Variants in TRIM37 observed in about 807,000 individuals in gnomAD.
The protein encoded by TRIM37 is tripartite motif containing 37.
A neutral mutation model predicts 129.8 loss-of-function variants in TRIM37; 80 were observed. The observed-to-expected ratio is 0.62, with a 90% CI of 0.51 to 0.74. The LOEUF (loss-of-function observed/expected upper bound fraction) is 0.74, where lower values mean the gene tolerates loss of function less well. Ranked by LOEUF, TRIM37 falls within the 30% of genes least tolerant of loss-of-function variation. The pLI is 0.00. For missense variants in TRIM37, 1,054 were observed against 1,176.5 expected, an observed-to-expected ratio of 0.90 and a Z score of 1.52; for synonymous variants, 389 against 387.1, an observed-to-expected ratio of 1.00 and a Z score of -0.06.
chr17:59,083,171 T>C (rs1029361124), intron 5 of TRIM37, among the ~76,000 whole-genome samples: 4 of 152,274 alleles, frequency 2.6e-5, no homozygotes, highest in Middle Eastern at 3.4e-3. Flanking sequence ...CGCGGTGGCT[T>C]ACCCCTGTAA....
Position 59,041,842 on chromosome 17 carries a change from A to G in TRIM37, c.1724T>C (p.Met575Thr), listed in dbSNP as rs553441789. ...NNMELEEGEL[M>T]EDAAAAGPAG... is the part of the protein sequence containing the mutation. The stretch of plus-strand genomic sequence containing the variant: ...GGGTCCTGCAGCAGCTGCATCTTCC[A>G]TGAGTTCTCCCTCTTCTAATTCCAT... The change falls in exon 17 of 24, where the codon ATG becomes ACG. Residue 575 changes from methionine to threonine, a missense_variant. Physicochemically the swap from Met to Thr is moderately conservative, Grantham distance 81. This residue lies in a region of TRIM37 where 752 missense variants were observed against 870.8 expected (regional missense o/e 0.86). Coordinates refer to ENST00000262294, the MANE Select transcript of TRIM37 (RefSeq NM_015294.6). 28 of 1,613,996 alleles carry G rather than the reference A, an allele frequency of 1.7e-5. No homozygotes were observed. The South Asian group carries it at 2.5e-4, about 15-fold the overall frequency.
At chr17:59,011,716 T>G (rs1199267185) in intron 22 of TRIM37, among the ~76,000 whole-genome samples, 1 of 152,170 alleles carries the variant, frequency 6.6e-6, no homozygotes, top group African/African-American at 2.4e-5. Context: ...AAAGAAACAC[T>G]AGAAAGTACA....
At chr17:59,006,812 C>T (rs1300711900) in intron 22 of TRIM37, among the ~76,000 whole-genome samples, 1 of 152,048 alleles carries the variant, frequency 6.6e-6, no homozygotes, top group Non-Finnish European at 1.5e-5. Context: ...TCGCTTGAAC[C>T]TGGGAGGTGG....
chr17:59,012,627 C>T (rs1434157768), intron 21 of TRIM37, among the ~76,000 whole-genome samples, 181 bp from the exon 22 acceptor site: 1 of 152,102 alleles, frequency 6.6e-6, no homozygotes, highest in Non-Finnish European at 1.5e-5. Context: ...CCTGTAATCC[C>T]AGCACTTTGG....
At chr17:59,058,081 T>C (rs776333867) in intron 12 of TRIM37, among the ~76,000 whole-genome samples, 1 of 152,228 alleles carries the variant, frequency 6.6e-6, no homozygotes, top group Non-Finnish European at 1.5e-5. Flanking sequence ...TTTTAAAATA[T>C]AAATTTTGAA....
chr17:59,010,751 C>T (rs1598870901), intron 22 of TRIM37, among the ~76,000 whole-genome samples: 2 of 152,074 alleles, frequency 1.3e-5, no homozygotes, highest in African/African-American at 2.4e-5. Context: ...CCTCAGCCTC[C>T]CAAAGTACTG....
chr17:59,091,638 A>G (rs1184011855), intron 2 of TRIM37, among the ~76,000 whole-genome samples: 2 of 139,830 alleles, frequency 1.4e-5, no homozygotes, highest in Admixed American at 7.8e-5. Context: ...AATGTATAAT[A>G]TATTATATAA....
chr17:58,984,800 T>C (rs148245515), intron 24 of TRIM37: 1 of 152,576 alleles, frequency 6.6e-6, no homozygotes, highest in East Asian at 1.9e-4. Flanking sequence ...CTATTTATTG[T>C]AATAATTAGA....
downstream of TRIM37, among the ~76,000 whole-genome samples, chr17:58,978,512 G>A (rs1031261766): frequency 2.6e-5 from 4 of 151,902 alleles, no homozygotes; most frequent in African/African-American, 7.3e-5. Flanking sequence ...GGAGTTCGAC[G>A]CCAGCCTGGC....
At chr17:59,001,468 A>AGT in intron 23 of TRIM37, 130 bp downstream of exon 23, 1 of 1,122,218 alleles carries the variant, frequency 8.9e-7, no homozygotes, top group South Asian at 1.4e-5. Flanking sequence ...AAAAAAAAAA[A>AGT]AGAAGTAGAA....
At chr17:59,032,482 G>A (rs947589776) in intron 17 of TRIM37, among the ~76,000 whole-genome samples, 1 of 138,314 alleles carries the variant, frequency 7.2e-6, no homozygotes, top group Non-Finnish European at 1.5e-5. Context: ...CCGAGATTGC[G>A]CCACTGCAGT....
intron 24 of TRIM37, among the ~76,000 whole-genome samples, chr17:58,989,674 A>G (rs2144066006): frequency 6.6e-6 from 1 of 152,318 alleles, no homozygotes; most frequent in African/African-American, 2.4e-5. Flanking sequence ...AAATTACCTT[A>G]ACTGAAACAC....
chr17:59,055,188 T>C (rs1269640021), intron 13 of TRIM37, among the ~76,000 whole-genome samples: 2 of 151,144 alleles, frequency 1.3e-5, no homozygotes, highest in Non-Finnish European at 1.5e-5. Context: ...AGTACAAAAT[T>C]AGCCAGGCAT....
intron 12 of TRIM37, 76 bp downstream of exon 12, chr17:59,060,956 A>C: frequency 1.9e-6 from 2 of 1,074,168 alleles, no homozygotes; most frequent in Non-Finnish European, 2.8e-6. Flanking sequence ...ATTAACAAAA[A>C]TAAAAATTAA....
At chr17:59,017,915 C>A (rs555161019) in intron 19 of TRIM37, among the ~76,000 whole-genome samples, 15 of 152,120 alleles carry the variant, frequency 9.9e-5, no homozygotes, top group Admixed American at 6.6e-5. Context: ...CATGGGCCAC[C>A]GCACACCGCC....
Position 59,084,010 on chromosome 17 carries a change from C to A in TRIM37, c.361G>T (p.Gly121Ter). ...GAATTTGTTCTGCTCACCATTCCTC[C>A]CCAAAGTGCACACTGATGGCAGATA... is the stretch of plus-strand genomic sequence containing the variant. Reference protein sequence around the residue: ...KCICHQCALWGGMHGGHTFKP... With the variant: ...KCICHQCALW The change falls in exon 5 of 24, where the codon GGA becomes TGA. Residue 121 changes from glycine (G) to a stop codon, truncating the protein, a stop_gained. Coordinates refer to ENST00000262294, the MANE Select transcript of TRIM37 (RefSeq NM_015294.6). LOFTEE classifies it high-confidence loss of function. 6.2e-7 allele frequency: 1 copy of A among 1,613,702 alleles called. No individual in the cohort carries two copies. Among genetic ancestry groups the A allele is most frequent in the African/African-American group, 1.3e-5 (1 of 75,032 alleles).
intron 16 of TRIM37, among the ~76,000 whole-genome samples, chr17:59,043,415 C>G (rs1308503153): frequency 6.6e-6 from 1 of 152,208 alleles, no homozygotes; most frequent in Non-Finnish European, 1.5e-5. Context: ...AAGTGGGCAT[C>G]TGCAGTATTT....
the TRIM37 span, chr17:58,969,511 C>T: frequency 6.2e-7 from 1 of 1,611,862 alleles, no homozygotes; most frequent in South Asian, 1.1e-5. Context: ...ACCCAACTCC[C>T]ATAACTGTTC....
rs2045823050 is a variant in TRIM37, at chr17:59,104,598, C to T, written c.22-204G>A. On this transcript the variant is annotated intron_variant, in intron 1 of 23. Transcript: ENST00000262294. ...ACTCCCGTTTGGTTTCACGATGATT[C>T]TATTCTAAGGAAAATATAGGAAATG... The T allele has an allele frequency of 5.6e-6, 4 of 718,072 alleles. No homozygotes were observed. The Admixed American group carries it at 7.6e-5, about 14-fold the overall frequency. The allele number at this position is 718,072 out of a possible 1,614,324, so 44.5% of individuals were successfully genotyped here.
Sources: gnomAD v4.1 joint callset for allele counts (sites outside exome capture counted in the v4.1 genomes callset) on GRCh38, gnomAD v4.1.1 for gene constraint, gnomAD v4.1.1 regional missense constraint, MANE v1.5 for transcripts, NCBI Gene and HGNC (gene_info 2026-07-23, HGNC 2026-07-21) for gene names.